The following CCDC85A variants were observed in gnomAD, a reference collection of about 807,000 sequenced individuals.
The protein encoded by CCDC85A is coiled-coil domain containing 85A.
In CCDC85A, 38 loss-of-function variants were observed where a neutral mutation model predicts 50.2. That is an observed-to-expected ratio of 0.76 (90% CI 0.58 to 0.99). CCDC85A has a LOEUF of 0.99. Among genes scored for constraint, CCDC85A ranks in the 50% least tolerant of loss-of-function variants. The pLI, the probability that CCDC85A is intolerant of heterozygous loss-of-function variation, is 0.00. For missense variants in CCDC85A, 820 were observed against 742.0 expected, an observed-to-expected ratio of 1.11 and a Z score of -1.22; for synonymous variants, 366 against 301.4, an observed-to-expected ratio of 1.21 and a Z score of -2.22.
chr2:56,320,875 A>G (rs920696462), intron 2 of CCDC85A, among the ~76,000 whole-genome samples: 2 of 152,216 alleles, frequency 1.3e-5, no homozygotes, highest in Middle Eastern at 3.4e-3. Context: ...GATGAACATC[A>G]ATGCAAAAAT....
At chr2:56,189,295 G>GTTTTTTTTTTTTTTT (rs773078371) in intron 1 of CCDC85A, among the ~76,000 whole-genome samples, 2 of 100,436 alleles carry the variant, frequency 2.0e-5, no homozygotes, top group African/African-American at 4.5e-5. Context: ...GGTATTTTTG[G>GTTTTTTTTTTTTTTT]TGTTTTTTTT....
At chr2:56,274,544 A>T (rs1670842558) in intron 2 of CCDC85A, among the ~76,000 whole-genome samples, 1 of 152,168 alleles carries the variant, frequency 6.6e-6, no homozygotes, top group African/African-American at 2.4e-5. Flanking sequence ...CTTTCAACCG[A>T]TTGGATAAAG....
At position 56,268,544 on chromosome 2, in the gene CCDC85A, G is replaced by A. The variant is rs371340442; in HGVS notation, c.1241-74335G>A. Among the ~76,000 whole-genome samples the A allele has an allele frequency of 2.9e-4, 41 of 143,660 alleles. No homozygotes were observed. The South Asian group carries it at 7.4e-3, about 26-fold the overall frequency. 94.2% of individuals were successfully genotyped at this position (143,660 alleles called of 152,430 possible). On this transcript the variant is annotated intron_variant, in intron 2 of 5. Coordinates refer to ENST00000407595, the MANE Select transcript of CCDC85A (RefSeq NM_001080433.2). Reference sequence around the variant, plus strand: ...TGGGAGGCGGAGGTTGCAGTGAGCCGAGATTGCACCACTGCATTCCAGCCT... The same window carrying A: ...TGGGAGGCGGAGGTTGCAGTGAGCCAAGATTGCACCACTGCATTCCAGCCT...
chr2:56,271,568 AACTG>A (rs1369769704), intron 2 of CCDC85A, among the ~76,000 whole-genome samples: 1 of 152,156 alleles, frequency 6.6e-6, no homozygotes, highest in Non-Finnish European at 1.5e-5. Flanking sequence ...TTGCCTCATA[AACTG>A]ACAGGCTAAT....
intron 3 of CCDC85A, among the ~76,000 whole-genome samples, chr2:56,364,810 A>G (rs532182495): frequency 1.1e-4 from 17 of 152,202 alleles, no homozygotes; most frequent in African/African-American, 4.1e-4. Context: ...TGTCCTTTTA[A>G]TTTCTTCTGC....
At chr2:56,294,875 C>G (rs1671878587) in intron 2 of CCDC85A, among the ~76,000 whole-genome samples, 2 of 152,174 alleles carry the variant, frequency 1.3e-5, no homozygotes, top group South Asian at 2.1e-4. Flanking sequence ...GCCGGTACCT[C>G]TAATAGCTAG....
intron 2 of CCDC85A, among the ~76,000 whole-genome samples, chr2:56,288,526 A>T (rs2104133484): frequency 6.6e-6 from 1 of 152,262 alleles, no homozygotes; most frequent in South Asian, 2.1e-4. Flanking sequence ...AGCCTCAAAG[A>T]GTGTGTCTAA....
chr2:56,237,736 C>T (rs1027613797), intron 2 of CCDC85A, among the ~76,000 whole-genome samples: 9 of 61,186 alleles, frequency 1.5e-4, no homozygotes, highest in African/African-American at 2.3e-4. Context: ...TAACCCTAAC[C>T]ATTAATTTTT....
At chr2:56,186,787 C>T (rs1406406254) in intron 1 of CCDC85A, among the ~76,000 whole-genome samples, 1 of 152,032 alleles carries the variant, frequency 6.6e-6, no homozygotes, top group African/African-American at 2.4e-5. Flanking sequence ...AGTGCCTGGG[C>T]TTCATTCCAG....
intron 2 of CCDC85A, among the ~76,000 whole-genome samples, chr2:56,288,027 G>A (rs2104131153): frequency 6.6e-6 from 1 of 152,144 alleles, no homozygotes; most frequent in South Asian, 2.1e-4. Context: ...CCTTCTCAGA[G>A]GCTCCTTTAC....
At position 56,269,334 on chromosome 2, in the gene CCDC85A, GGTGT is replaced by G. The variant is rs70955014; in HGVS notation, c.1241-73520_1241-73517del. ...GCACACTACCATACTCCTTGGCAAG[GGTGT>G]GTGTGTGTGTGTGTGTGTGTGTGTT... is the stretch of plus-strand genomic sequence containing the variant. On this transcript the variant is annotated intron_variant, in intron 2 of 5. Coordinates refer to ENST00000407595, the MANE Select transcript of CCDC85A (RefSeq NM_001080433.2). Among the ~76,000 whole-genome samples, 302 of 148,948 alleles carry G rather than the reference GGTGT, an allele frequency of 2.0e-3. 1 individual carries two copies. The highest frequency in any genetic ancestry group is 9.7e-3 in the South Asian group (45 of 4,628).
chr2:56,306,937 C>T (rs2104210970), intron 2 of CCDC85A, among the ~76,000 whole-genome samples: 1 of 151,650 alleles, frequency 6.6e-6, no homozygotes, highest in South Asian at 2.1e-4. Flanking sequence ...TTTTCTAGTT[C>T]AGGAAATTTT....
intron 2 of CCDC85A, among the ~76,000 whole-genome samples, chr2:56,313,498 A>G (rs1351410635): frequency 6.6e-6 from 1 of 152,110 alleles, no homozygotes; most frequent in African/African-American, 2.4e-5. Flanking sequence ...AGGCCAGTCA[A>G]GCTTGGGGCT....
intron 2 of CCDC85A, among the ~76,000 whole-genome samples, chr2:56,307,204 C>A (rs925936277): frequency 1.3e-5 from 2 of 152,010 alleles, no homozygotes; most frequent in Non-Finnish European, 2.9e-5. Flanking sequence ...CATTTTATTG[C>A]ACGATACAGT....
At chr2:56,343,794 T>C (rs1240499614) in intron 3 of CCDC85A, among the ~76,000 whole-genome samples, 1 of 152,212 alleles carries the variant, frequency 6.6e-6, no homozygotes, top group Non-Finnish European at 1.5e-5. Flanking sequence ...GGCAAAATTA[T>C]ACCTCAAACA....
At chr2:56,358,835 A>T (rs1227702016) in intron 3 of CCDC85A, among the ~76,000 whole-genome samples, 1 of 150,750 alleles carries the variant, frequency 6.6e-6, no homozygotes, top group Non-Finnish European at 1.5e-5. Flanking sequence ...CCCAGGTTGG[A>T]GTACAGTGGC....
In CCDC85A at chr2:56,184,218, C is replaced by T; in HGVS notation, c.-407C>T. 1 of 989,198 alleles carries T rather than the reference C, an allele frequency of 1.0e-6. No homozygotes were observed. Among genetic ancestry groups the T allele is most frequent in the Non-Finnish European group, 1.2e-6 (1 of 830,170 alleles). The allele number at this position is 989,198 out of a possible 1,614,324, so 61.3% of individuals were successfully genotyped here. A position where few individuals can be genotyped will look rare whatever the true frequency, so the allele number is the denominator to read the frequency against. On this transcript the variant is annotated 5_prime_UTR_variant, in exon 1 of 6. Coordinates refer to ENST00000407595, the MANE Select transcript of CCDC85A (RefSeq NM_001080433.2). Reference sequence around the variant, plus strand: ...GGAGGAAAGTGCGTGTGCGTGCACGCCTGTGTGCAGGGCAGAGAGTGCGGG... The same window carrying T: ...GGAGGAAAGTGCGTGTGCGTGCACGTCTGTGTGCAGGGCAGAGAGTGCGGG...
At chr2:56,306,445 C>T (rs1466621710) in intron 2 of CCDC85A, among the ~76,000 whole-genome samples, 2 of 152,116 alleles carry the variant, frequency 1.3e-5, no homozygotes, top group African/African-American at 2.4e-5. Flanking sequence ...TTTTAAACAA[C>T]AGTTATTTTT....
chr2:56,204,344 C>T (rs551949323), intron 2 of CCDC85A, among the ~76,000 whole-genome samples: 1 of 152,212 alleles, frequency 6.6e-6, no homozygotes, highest in Non-Finnish European at 1.5e-5. Flanking sequence ...TGTTCAGATT[C>T]AACAATGCAA....
Sources: gnomAD v4.1 joint callset for allele counts (sites outside exome capture counted in the v4.1 genomes callset) on GRCh38, gnomAD v4.1.1 for gene constraint, MANE v1.5 for transcripts, NCBI Gene and HGNC (gene_info 2026-07-23, HGNC 2026-07-21) for gene names.